Variants in CNTN6 observed in about 807,000 individuals in gnomAD.
The protein encoded by CNTN6 is contactin 6, also known as contactin-6.
CNTN6 carries 137 observed loss-of-function variants against 122.8 expected under a neutral mutation model. The observed-to-expected ratio is 1.12, with a 90% CI of 0.97 to 1.29. The LOEUF is 1.29. CNTN6 is among the 50% of genes most tolerant of loss of function. The pLI is 0.00. For missense variants in CNTN6, 1,634 were observed against 1,223.4 expected (o/e 1.34, Z -5.01); for synonymous variants, 570 against 426.0 (o/e 1.34, Z -4.16).
At chr3:1,133,832 C>G (rs1574969044) in intron 1 of CNTN6, among the ~76,000 whole-genome samples, 1 of 152,084 alleles carries the variant, frequency 6.6e-6, no homozygotes, top group Non-Finnish European at 1.5e-5. Flanking sequence ...TCATATTCTT[C>G]TTTCCTTCCT....
chr3:1,208,015 T>C (rs2093981398), intron 2 of CNTN6, among the ~76,000 whole-genome samples: 2 of 152,038 alleles, frequency 1.3e-5, no homozygotes, highest in Admixed American at 1.3e-4. Flanking sequence ...TGTGCCTACA[T>C]ACTCCAAAAA....
chr3:1,294,069 C>T (rs186049938), intron 5 of CNTN6, among the ~76,000 whole-genome samples: 5 of 152,224 alleles, frequency 3.3e-5, no homozygotes, highest in African/African-American at 1.2e-4. Flanking sequence ...TATAAAGTTA[C>T]ACTTACATCT....
intron 1 of CNTN6, among the ~76,000 whole-genome samples, chr3:1,112,314 C>T (rs1359697170): frequency 6.6e-6 from 1 of 152,098 alleles, no homozygotes; most frequent in African/African-American, 2.4e-5. Flanking sequence ...AATTGAGACT[C>T]TCGATTATGC....
In CNTN6 at chr3:1,095,180, A is replaced by C. The variant is rs1021892896; in HGVS notation, c.-83+2060A>C. Among the ~76,000 whole-genome samples, 4 of 151,282 alleles carry C rather than the reference A, an allele frequency of 2.6e-5. No homozygotes were observed. In the South Asian group the frequency reaches 6.2e-4, roughly 24 times the overall value. ...GATCTTATCCTACACTTAAAAAAAA[A>C]CAGAAATATTGGCCGCGCGCGGTGG... On this transcript the variant is annotated intron_variant, in intron 1 of 22. Coordinates refer to ENST00000446702, the MANE Select transcript of CNTN6 (RefSeq NM_001289080.2).
intron 6 of CNTN6, 78 bp downstream of exon 6, chr3:1,295,882 T>C: frequency 7.6e-7 from 1 of 1,322,732 alleles, no homozygotes; most frequent in African/African-American, 1.5e-5. Flanking sequence ...AGCTTTCTGC[T>C]TCCTTCTTGT....
At chr3:1,202,121 A>G (rs1187290310) in intron 2 of CNTN6, among the ~76,000 whole-genome samples, 1 of 152,194 alleles carries the variant, frequency 6.6e-6, no homozygotes, top group Non-Finnish European at 1.5e-5. Context: ...GTCGCTGGGG[A>G]GTGTCACTTA....
At chr3:1,319,361 G>C (rs1410697069) in intron 7 of CNTN6, among the ~76,000 whole-genome samples, 1 of 151,742 alleles carries the variant, frequency 6.6e-6, no homozygotes, top group East Asian at 2.0e-4. Flanking sequence ...AGAAAAGTAA[G>C]TGAAATTATA....
At chr3:1,332,081 G>T (rs1177127686) in intron 11 of CNTN6, among the ~76,000 whole-genome samples, 3 of 151,832 alleles carry the variant, frequency 2.0e-5, no homozygotes, top group Admixed American at 1.3e-4. Flanking sequence ...TTGCTTCAGG[G>T]TTTCACTGCA....
chr3:1,218,687 A>G (rs1226080964), intron 2 of CNTN6, among the ~76,000 whole-genome samples: 1 of 152,144 alleles, frequency 6.6e-6, no homozygotes, highest in African/African-American at 2.4e-5. Context: ...TAAACAGAGG[A>G]CAACTGTAAA....
chr3:1,227,703 T>C, intron 3 of CNTN6, 115 bp from the exon 4 acceptor site: 1 of 1,124,372 alleles, frequency 8.9e-7, no homozygotes, highest in Non-Finnish European at 1.3e-6. Flanking sequence ...CCTCCACATG[T>C]AATCATGTTT....
chr3:1,300,067 C>G (rs1696933920), intron 7 of CNTN6, among the ~76,000 whole-genome samples: 1 of 152,016 alleles, frequency 6.6e-6, no homozygotes, highest in Admixed American at 6.6e-5. Context: ...AGCTCTGCCA[C>G]CCGGGTTCCC....
intron 11 of CNTN6, among the ~76,000 whole-genome samples, chr3:1,345,119 CTTT>C (rs34433982): frequency 7.0e-6 from 1 of 143,280 alleles, no homozygotes; most frequent in Admixed American, 7.0e-5. Context: ...TGTACAATTA[CTTT>C]TTTTTTTTTT....
intron 9 of CNTN6, 84 bp downstream of exon 9, chr3:1,326,035 A>G: frequency 8.4e-7 from 1 of 1,193,574 alleles, no homozygotes; most frequent in Non-Finnish European, 1.2e-6. Context: ...TAACAGAAAC[A>G]GCTAATGTTA....
chr3:1,352,290 C>T lies in CNTN6; in HGVS notation c.1365-34C>T. 6 of 1,468,036 alleles carry T rather than the reference C, an allele frequency of 4.1e-6. No homozygotes were observed. In the South Asian group the frequency reaches 7.3e-5, roughly 18 times the overall value. The allele number at this position is 1,468,036 out of a possible 1,614,324, so 90.9% of individuals were successfully genotyped here. ...CTTATGATTTACCAGTGTTGAAGAG[C>T]CTTACTTCTATTAATGATGTATTTT... On this transcript the variant is annotated intron_variant, in intron 11 of 22. Coordinates refer to ENST00000446702, the MANE Select transcript of CNTN6 (RefSeq NM_001289080.2).
At chr3:1,346,232 G>A (rs2126054892) in intron 11 of CNTN6, among the ~76,000 whole-genome samples, 1 of 152,272 alleles carries the variant, frequency 6.6e-6, no homozygotes, top group South Asian at 2.1e-4. Context: ...AAATAGTTTA[G>A]TTAATTATGA....
intron 20 of CNTN6, among the ~76,000 whole-genome samples, chr3:1,391,041 C>G (rs1240666716): frequency 5.1e-4 from 32 of 63,358 alleles, no homozygotes; most frequent in African/African-American, 1.6e-3. Flanking sequence ...GGAATCCTCC[C>G]TAACTCATTT....
intron 2 of CNTN6, among the ~76,000 whole-genome samples, chr3:1,205,296 G>C (rs2093943537): frequency 6.6e-6 from 1 of 152,114 alleles, no homozygotes; most frequent in Non-Finnish European, 1.5e-5. Flanking sequence ...AGAACTATAA[G>C]ATAGTAAAAT....
chr3:1,106,822 T>A (rs1378597724), intron 1 of CNTN6, among the ~76,000 whole-genome samples: 1 of 152,082 alleles, frequency 6.6e-6, no homozygotes, highest in East Asian at 1.9e-4. Flanking sequence ...AATTATCACA[T>A]GTATTTTTAC....
intron 2 of CNTN6, among the ~76,000 whole-genome samples, chr3:1,205,204 C>G (rs548814313): frequency 8.5e-5 from 13 of 152,288 alleles, no homozygotes; most frequent in Non-Finnish European, 1.8e-4. Flanking sequence ...AAACAGATTT[C>G]ACTCCAGAGC....
Sources: gnomAD v4.1 joint callset for allele counts (sites outside exome capture counted in the v4.1 genomes callset) on GRCh38, gnomAD v4.1.1 for gene constraint, MANE v1.5 for transcripts, NCBI Gene and HGNC (gene_info 2026-07-23, HGNC 2026-07-21) for gene names.